ENOX1: variants seen among roughly 807,000 people sequenced by gnomAD.
ENOX1 encodes the protein candidate growth-related and time keeping constitutive hydroquinone (NADH) oxidase.
In ENOX1, 42 loss-of-function variants were observed where a neutral mutation model predicts 82.5. The observed-to-expected ratio is 0.51, with a 90% CI of 0.40 to 0.66. ENOX1 has a LOEUF of 0.66. Among genes scored for constraint, ENOX1 ranks in the 30% least tolerant of loss-of-function variants. The pLI is 0.00. For missense variants in ENOX1, 608 were observed against 811.6 expected (o/e 0.75, Z 3.05); for synonymous variants, 271 against 282.2 (o/e 0.96, Z 0.40).
intron 12 of ENOX1, among the ~76,000 whole-genome samples, chr13:43,293,700 G>A (rs1279565314): frequency 2.0e-5 from 3 of 152,328 alleles, no homozygotes; most frequent in South Asian, 2.1e-4. Flanking sequence ...CAGAAGACAT[G>A]CTGAACTTAC....
intron 12 of ENOX1, among the ~76,000 whole-genome samples, chr13:43,293,296 GCCACCACAGCCAGCACCC>G (rs2046107317): frequency 1.3e-5 from 2 of 150,818 alleles, no homozygotes; most frequent in Admixed American, 1.3e-4. Flanking sequence ...AGCTAATAAG[GCCACCACAGCCAGCACCC>G]CCACCACGGC....
chr13:43,462,991 A>T (rs996557604), intron 3 of ENOX1, among the ~76,000 whole-genome samples: 1 of 152,202 alleles, frequency 6.6e-6, no homozygotes, highest in African/African-American at 2.4e-5. Context: ...TCTGTTTTGG[A>T]TGAACTATGT....
intron 1 of ENOX1, among the ~76,000 whole-genome samples, chr13:43,724,348 T>A (rs2088788817): frequency 6.6e-6 from 1 of 152,232 alleles, no homozygotes; most frequent in South Asian, 2.1e-4. Context: ...CTGTCTTCTA[T>A]GTGCTCTACC....
At chr13:43,763,922 T>C (rs960961652) in intron 1 of ENOX1, among the ~76,000 whole-genome samples, 4 of 152,336 alleles carry the variant, frequency 2.6e-5, no homozygotes, top group Non-Finnish European at 2.9e-5. Context: ...ATCACAGATA[T>C]ATAAGATTCA....
chr13:43,681,177 C>G (rs749312966), intron 1 of ENOX1, among the ~76,000 whole-genome samples: 2 of 152,110 alleles, frequency 1.3e-5, no homozygotes, highest in Non-Finnish European at 1.5e-5. Flanking sequence ...CTTTGCTTTT[C>G]TTTCCCATTT....
intron 1 of ENOX1, among the ~76,000 whole-genome samples, chr13:43,695,373 C>T (rs1232611764): frequency 1.3e-5 from 2 of 150,338 alleles, no homozygotes; most frequent in Admixed American, 6.7e-5. Context: ...CTAATCACAG[C>T]CAGAGGGCTC....
chr13:43,375,384 G>C (rs1594212634), intron 5 of ENOX1, among the ~76,000 whole-genome samples: 1 of 152,162 alleles, frequency 6.6e-6, no homozygotes, highest in East Asian at 1.9e-4. Flanking sequence ...TTTTATAGTT[G>C]GAAAAACTGA....
chr13:43,372,621 C>T (rs1204945426), intron 5 of ENOX1, among the ~76,000 whole-genome samples: 7 of 152,112 alleles, frequency 4.6e-5, no homozygotes, highest in Non-Finnish European at 1.0e-4. Context: ...GAAAGGCAAG[C>T]TAACCAAAAC....
At chr13:43,670,948 G>A (rs1181347827) in intron 1 of ENOX1, among the ~76,000 whole-genome samples, 1 of 151,980 alleles carries the variant, frequency 6.6e-6, no homozygotes, top group African/African-American at 2.4e-5. Context: ...CTAGATTTTT[G>A]GTATTGACAT....
chr13:43,714,710 T>C (rs2087987968), intron 1 of ENOX1, among the ~76,000 whole-genome samples: 1 of 152,222 alleles, frequency 6.6e-6, no homozygotes, highest in Non-Finnish European at 1.5e-5. Flanking sequence ...GTTTAAAGTC[T>C]GTTTTATCCG....
intron 1 of ENOX1, among the ~76,000 whole-genome samples, chr13:43,782,080 A>C (rs1952302901): frequency 6.6e-6 from 1 of 152,256 alleles, no homozygotes. Flanking sequence ...GTATGAAAGA[A>C]ACACAAATCA....
intron 12 of ENOX1, among the ~76,000 whole-genome samples, chr13:43,286,439 GGA>G (rs2045706285): frequency 6.6e-6 from 1 of 152,152 alleles, no homozygotes; most frequent in Admixed American, 6.5e-5. Flanking sequence ...GTTGGGAAAA[GGA>G]GAGTTCCTTT....
intron 1 of ENOX1, among the ~76,000 whole-genome samples, chr13:43,743,865 T>A (rs1949884426): frequency 6.6e-6 from 1 of 152,140 alleles, no homozygotes. Context: ...GGGGCCAACA[T>A]CTGGTCAGGG....
At chr13:43,265,717 A>G (rs2044333467) in intron 13 of ENOX1, among the ~76,000 whole-genome samples, 1 of 152,246 alleles carries the variant, frequency 6.6e-6, no homozygotes, top group African/African-American at 2.4e-5. Flanking sequence ...AAGCAGTTCC[A>G]TAGGCATAAA....
At chr13:43,418,045 C>T (rs2054735124) in intron 3 of ENOX1, among the ~76,000 whole-genome samples, 1 of 151,896 alleles carries the variant, frequency 6.6e-6, no homozygotes, top group Admixed American at 6.6e-5. Flanking sequence ...CCTGTCTCTA[C>T]TAAAAATACA....
intron 1 of ENOX1, among the ~76,000 whole-genome samples, chr13:43,746,166 AAT>A (rs1431885808): frequency 1.3e-5 from 2 of 152,178 alleles, no homozygotes; most frequent in African/African-American, 4.8e-5. Context: ...CAACTATATT[AAT>A]ATATGTCAGT....
At chr13:43,609,188 T>C (rs760753085) in intron 2 of ENOX1, among the ~76,000 whole-genome samples, 1 of 152,306 alleles carries the variant, frequency 6.6e-6, no homozygotes, top group Admixed American at 6.5e-5. Context: ...TTCTTTATGG[T>C]TAGCAAACCA....
At chr13:43,264,589 C>T (rs2044262089) in intron 14 of ENOX1, among the ~76,000 whole-genome samples, 1 of 152,180 alleles carries the variant, frequency 6.6e-6, no homozygotes, top group African/African-American at 2.4e-5. Context: ...TATAATTTCT[C>T]CTAGCTCTAG....
intron 5 of ENOX1, among the ~76,000 whole-genome samples, chr13:43,399,855 C>T (rs983588453): frequency 6.6e-6 from 1 of 152,082 alleles, no homozygotes; most frequent in Non-Finnish European, 1.5e-5. Context: ...TAGGCTAACG[C>T]CCCTCTGTCC....
Sources: gnomAD v4.1 joint callset for allele counts (sites outside exome capture counted in the v4.1 genomes callset) on GRCh38, gnomAD v4.1.1 for gene constraint, MANE v1.5 for transcripts, NCBI Gene and HGNC (gene_info 2026-07-23, HGNC 2026-07-21) for gene names.